The following CDH13 variants were observed in gnomAD, a reference collection of about 807,000 sequenced individuals.
The protein encoded by CDH13 is cadherin 13, also known as cadherin-13.
Under a neutral mutation model 63.8 loss-of-function variants are expected in CDH13, and 24 were observed. That is an observed-to-expected ratio of 0.38 (90% confidence interval 0.27 to 0.53). The LOEUF is 0.53. Among genes scored for constraint, CDH13 ranks in the 20% least tolerant of loss-of-function variants. CDH13 has a pLI of 0.85. For missense variants in CDH13, 1,049 were observed against 903.1 expected, an observed-to-expected ratio of 1.16 and a Z score of -2.07; for synonymous variants, 503 against 355.3, an observed-to-expected ratio of 1.42 and a Z score of -4.67.
intron 2 of CDH13, among the ~76,000 whole-genome samples, chr16:82,864,903 G>A (rs1250862020): frequency 6.6e-6 from 1 of 152,142 alleles, no homozygotes; most frequent in African/African-American, 2.4e-5. Flanking sequence ...CTGCTTCCTG[G>A]ATACAATGGA....
At chr16:83,351,489 G>C (rs1567610691) in intron 6 of CDH13, among the ~76,000 whole-genome samples, 1 of 152,110 alleles carries the variant, frequency 6.6e-6, no homozygotes, top group Non-Finnish European at 1.5e-5. Context: ...CAGAATGGGA[G>C]CTCTATGTGC....
chr16:83,474,098 C>G (rs559348754), intron 6 of CDH13, among the ~76,000 whole-genome samples: 1 of 152,252 alleles, frequency 6.6e-6, no homozygotes, highest in South Asian at 2.1e-4. Context: ...CTTCCCTGAG[C>G]CTGAGTCTCT....
At chr16:83,789,166 C>G (rs868059310) in intron 13 of CDH13, among the ~76,000 whole-genome samples, 9 of 152,122 alleles carry the variant, frequency 5.9e-5, no homozygotes, top group African/African-American at 2.2e-4. Context: ...CAGGTAACCA[C>G]CAGTGCCCAA....
intron 5 of CDH13, among the ~76,000 whole-genome samples, chr16:83,225,164 A>G (rs2039804071): frequency 6.6e-6 from 1 of 152,176 alleles, no homozygotes; most frequent in Non-Finnish European, 1.5e-5. Context: ...CGCTCACTGT[A>G]GTTGGAGGAA....
intron 8 of CDH13, among the ~76,000 whole-genome samples, chr16:83,668,842 T>C (rs929822771): frequency 3.9e-5 from 6 of 152,218 alleles, no homozygotes; most frequent in African/African-American, 1.4e-4. Context: ...AGCCCCCTCC[T>C]GACTACATGG....
intron 1 of CDH13, among the ~76,000 whole-genome samples, chr16:82,762,448 G>A (rs2034890023): frequency 6.6e-6 from 1 of 152,198 alleles, no homozygotes; most frequent in Admixed American, 6.5e-5. Context: ...CTACCACAGA[G>A]TATTAATAGA....
intron 11 of CDH13, among the ~76,000 whole-genome samples, chr16:83,750,182 G>C (rs927863664): frequency 6.6e-6 from 1 of 152,056 alleles, no homozygotes; most frequent in Non-Finnish European, 1.5e-5. Context: ...TGTAGTCCCA[G>C]GTACTCAGGA....
chr16:83,209,486 A>C (rs2039277832), intron 4 of CDH13, among the ~76,000 whole-genome samples: 2 of 152,218 alleles, frequency 1.3e-5, no homozygotes, highest in African/African-American at 4.8e-5. Context: ...TAAAGGTCTG[A>C]AAATGTGTCT....
intron 2 of CDH13, among the ~76,000 whole-genome samples, chr16:82,878,453 C>G (rs2040580106): frequency 7.0e-6 from 1 of 143,294 alleles, no homozygotes; most frequent in African/African-American, 2.5e-5. Flanking sequence ...GAGAAAGTCA[C>G]ACAGATACAT....
At position 83,565,785 on chromosome 16, in the gene CDH13, T is replaced by G. The variant is rs529045233; in HGVS notation, c.961-36669T>G. On this transcript the variant is annotated intron_variant, in intron 7 of 13. Transcript: ENST00000567109. ...AAGTTATTCTTTTGTGATAACTGAT[T>G]TATTCTTTTCTGGCTTCTGACTTTT... Among the ~76,000 whole-genome samples the G allele has an allele frequency of 1.9e-3, 283 of 152,314 alleles. 1 individual carries two copies. The highest frequency in any genetic ancestry group is 3.5e-3 in the Non-Finnish European group (238 of 68,022).
intron 1 of CDH13, among the ~76,000 whole-genome samples, chr16:82,662,535 T>C (rs530805524): frequency 5.0e-4 from 76 of 152,286 alleles, no homozygotes; most frequent in Non-Finnish European, 9.7e-4. Flanking sequence ...AGATGGCTTG[T>C]TGGGAGAAGA....
intron 1 of CDH13, among the ~76,000 whole-genome samples, chr16:82,765,628 G>A (rs1026053320): frequency 6.6e-6 from 1 of 152,156 alleles, no homozygotes. Context: ...GCCTTCATAA[G>A]TGTATAATTT....
At chr16:83,612,418 C>T (rs1417972059) in intron 8 of CDH13, among the ~76,000 whole-genome samples, 3 of 151,330 alleles carry the variant, frequency 2.0e-5, no homozygotes, top group Non-Finnish European at 4.4e-5. Context: ...GTCTGTGTCT[C>T]TTTTAAGTGG....
chr16:83,489,405 C>T (rs991713643), intron 7 of CDH13, among the ~76,000 whole-genome samples: 12 of 152,186 alleles, frequency 7.9e-5, no homozygotes, highest in Non-Finnish European at 1.8e-4. Flanking sequence ...AAGAGTGTCA[C>T]TCTTCTGTGA....
intron 1 of CDH13, among the ~76,000 whole-genome samples, chr16:82,683,587 T>C (rs1003148681): frequency 1.3e-5 from 2 of 152,192 alleles, no homozygotes; most frequent in Non-Finnish European, 2.9e-5. Context: ...GACCAGCAGC[T>C]CTCAAGGGGT....
intron 5 of CDH13, among the ~76,000 whole-genome samples, chr16:83,330,606 G>C (rs752790164): frequency 3.5e-4 from 54 of 152,314 alleles, no homozygotes; most frequent in Middle Eastern, 6.8e-3. Flanking sequence ...AGCACAGATA[G>C]GGAAATGGCA....
chr16:83,752,413 C>G (rs575791941), intron 11 of CDH13, among the ~76,000 whole-genome samples: 2 of 152,174 alleles, frequency 1.3e-5, no homozygotes, highest in Non-Finnish European at 1.5e-5. Flanking sequence ...GAAACAGACA[C>G]CAAATTTAGT....
At chr16:83,466,482 C>T (rs2325833) in intron 6 of CDH13, among the ~76,000 whole-genome samples, 78,975 of 151,802 alleles carry the variant, frequency 0.52, 20,864 homozygotes, top group East Asian at 0.82. Flanking sequence ...AAGCACACAG[C>T]CTAGTGGCAG....
chr16:83,214,434 G>A (rs2039433045), intron 4 of CDH13, among the ~76,000 whole-genome samples: 1 of 151,660 alleles, frequency 6.6e-6, no homozygotes, highest in Non-Finnish European at 1.5e-5. Flanking sequence ...ATAAAAATTA[G>A]CCAGGCATGG....
Sources: gnomAD v4.1 joint callset for allele counts (sites outside exome capture counted in the v4.1 genomes callset) on GRCh38, gnomAD v4.1.1 for gene constraint, MANE v1.5 for transcripts, NCBI Gene and HGNC (gene_info 2026-07-23, HGNC 2026-07-21) for gene names.